The following CFAP20 variants were observed in gnomAD, a reference collection of about 807,000 sequenced individuals.
CFAP20 encodes cilia- and flagella-associated protein 20.
CFAP20 carries 14 observed loss-of-function variants against 25.5 expected under a neutral mutation model. That is an observed-to-expected ratio of 0.55 (90% confidence interval 0.36 to 0.86). The LOEUF (loss-of-function observed/expected upper bound fraction) is 0.86. Ranked by LOEUF, CFAP20 falls within the 40% of genes least tolerant of loss-of-function variation. The pLI, the probability that CFAP20 is intolerant of heterozygous loss-of-function variation, is 0.01. For missense variants in CFAP20, 181 were observed against 248.0 expected, an observed-to-expected ratio of 0.73 and a Z score of 1.81; for synonymous variants, 75 against 91.1, an observed-to-expected ratio of 0.82 and a Z score of 1.01.
intron 1 of CFAP20, among the ~76,000 whole-genome samples, chr16:58,124,793 C>T (rs931684137): frequency 6.6e-6 from 1 of 152,152 alleles, no homozygotes; most frequent in Non-Finnish European, 1.5e-5. Context: ...TACACTTATG[C>T]TACAATACAT....
intron 1 of CFAP20, among the ~76,000 whole-genome samples, chr16:58,124,444 T>C (rs1395338376): frequency 6.6e-6 from 1 of 152,260 alleles, no homozygotes; most frequent in African/African-American, 2.4e-5. Context: ...GGCAGTTCCA[T>C]GGCTGTGTGA....
At chr16:58,127,694 T>A (rs910967066) in intron 1 of CFAP20, among the ~76,000 whole-genome samples, 1 of 152,250 alleles carries the variant, frequency 6.6e-6, no homozygotes, top group Non-Finnish European at 1.5e-5. Flanking sequence ...GTGGATAGAA[T>A]CATCTGAAAG....
At position 58,129,292 on chromosome 16, in the gene CFAP20, A is replaced by C; in HGVS notation, c.-177T>G. On this transcript the variant is annotated 5_prime_UTR_variant, in exon 1 of 6. Coordinates refer to ENST00000262498, the MANE Select transcript of CFAP20 (RefSeq NM_013242.3). The stretch of plus-strand genomic sequence containing the variant: ...GGCCGGACTCGGACGCGGCAACGCT[A>C]AGTCCGCGATCTTCAGCTCCTAAGC... 1.6e-6 allele frequency: 1 copy of C among 625,624 alleles called. No individual in the cohort carries two copies. 38.8% of individuals were successfully genotyped at this position (625,624 alleles called of 1,614,324 possible).
chr16:58,128,978 A>G (rs1960666582), intron 1 of CFAP20, 54 bp downstream of exon 1: 2 of 1,491,900 alleles, frequency 1.3e-6, no homozygotes, highest in Admixed American at 3.4e-5. Flanking sequence ...CAGCCCCCGG[A>G]CGAGGAGGGG....
Position 58,113,865 on chromosome 16 carries a change from G to T in CFAP20, c.*160C>A. 1.2e-6 allele frequency: 1 copy of T among 802,362 alleles called. No homozygotes were observed. Among genetic ancestry groups the T allele is most frequent in the African/African-American group, 1.7e-5 (1 of 58,560 alleles). 49.7% of individuals were successfully genotyped at this position (802,362 alleles called of 1,614,324 possible). The stretch of plus-strand genomic sequence containing the variant: ...CTTACAATGCAGTCACAGAGTTACG[G>T]CATGTTCACCGGTGTCCATGACAAG... On this transcript the variant is annotated 3_prime_UTR_variant, in exon 6 of 6. Coordinates refer to ENST00000262498, the MANE Select transcript of CFAP20 (RefSeq NM_013242.3).
At chr16:58,125,951 G>A (rs1015792769) in intron 1 of CFAP20, among the ~76,000 whole-genome samples, 4 of 152,196 alleles carry the variant, frequency 2.6e-5, no homozygotes, top group Non-Finnish European at 4.4e-5. Context: ...AAGGTCTGTC[G>A]TTGACTGAAA....
At chr16:58,123,278 C>T (rs1960561555) in intron 1 of CFAP20, among the ~76,000 whole-genome samples, 1 of 145,026 alleles carries the variant, frequency 6.9e-6, no homozygotes, top group Non-Finnish European at 1.5e-5. Context: ...TGAGCCACTG[C>T]GCCCAGCCAG....
At chr16:58,122,923 C>T (rs1245356739) in intron 1 of CFAP20, among the ~76,000 whole-genome samples, 1 of 152,200 alleles carries the variant, frequency 6.6e-6, no homozygotes, top group African/African-American at 2.4e-5. Context: ...GAGAGAAAGA[C>T]AGGGTGACAG....
intron 1 of CFAP20, among the ~76,000 whole-genome samples, chr16:58,124,181 C>T (rs1380489127): frequency 6.6e-6 from 1 of 152,182 alleles, no homozygotes; most frequent in Non-Finnish European, 1.5e-5. Flanking sequence ...GGCCTTAGAG[C>T]CACATTAAGG....
At chr16:58,118,841 A>G (rs1037560265) in intron 1 of CFAP20, among the ~76,000 whole-genome samples, 3 of 152,130 alleles carry the variant, frequency 2.0e-5, no homozygotes, top group Non-Finnish European at 4.4e-5. Flanking sequence ...CAAACAAACA[A>G]AAAAACAAGG....
intron 1 of CFAP20, among the ~76,000 whole-genome samples, chr16:58,117,640 G>A (rs1960476525): frequency 6.6e-6 from 1 of 151,684 alleles, no homozygotes; most frequent in South Asian, 2.1e-4. Context: ...TCACCATGTT[G>A]GCCAGGCTGG....
intron 1 of CFAP20, among the ~76,000 whole-genome samples, chr16:58,124,730 G>C (rs915475524): frequency 1.3e-5 from 2 of 152,262 alleles, no homozygotes; most frequent in Non-Finnish European, 2.9e-5. Flanking sequence ...CAGTGAGTGA[G>C]TGGTGAGTGA....
At chr16:58,115,195 T>C (rs1159039659) in intron 4 of CFAP20, 74 bp downstream of exon 4, 1 of 1,577,992 alleles carries the variant, frequency 6.3e-7, no homozygotes. Flanking sequence ...TTCTGCTATG[T>C]GGGCCACAAG....
At chr16:58,115,508 A>G in intron 3 of CFAP20, 51 bp from the exon 4 acceptor site, 3 of 1,589,678 alleles carry the variant, frequency 1.9e-6, no homozygotes, top group Non-Finnish European at 2.6e-6. Flanking sequence ...TGGAAGAAGC[A>G]CACAACCTTG....
At chr16:58,115,198 G>T in intron 4 of CFAP20, 71 bp downstream of exon 4, 1 of 1,582,740 alleles carries the variant, frequency 6.3e-7, no homozygotes, top group Non-Finnish European at 8.7e-7. Flanking sequence ...TGCTATGTGG[G>T]CCACAAGCCA....
At position 58,114,916 on chromosome 16, in the gene CFAP20, T is replaced by C; in HGVS notation, c.470A>G (p.His157Arg). 2 of 1,612,144 alleles carry C rather than the reference T, an allele frequency of 1.2e-6. No individual in the cohort carries two copies. The highest frequency in any genetic ancestry group is 8.5e-7 in the Non-Finnish European group (1 of 1,178,210). Residue 157 changes from histidine (H) to arginine (R), a missense_variant, in exon 5 of 6, where the codon CAT becomes CGT. Transcript: ENST00000262498. The stretch of plus-strand genomic sequence containing the variant: ...AACCCGTCGGATGCGACAATTTGCA[T>C]GGATCTGTCAAGGCAATGCTTCTTT... ...NYIETLRVQI[H>R]ANCRIRRVYF...
At chr16:58,127,241 A>G (rs1402447592) in intron 1 of CFAP20, among the ~76,000 whole-genome samples, 2 of 152,230 alleles carry the variant, frequency 1.3e-5, no homozygotes, top group Non-Finnish European at 2.9e-5. Flanking sequence ...AACACAGCAC[A>G]CAAGATCAAG....
chr16:58,120,259 A>G (rs1387282375), intron 1 of CFAP20, among the ~76,000 whole-genome samples: 1 of 152,270 alleles, frequency 6.6e-6, no homozygotes, highest in Non-Finnish European at 1.5e-5. Context: ...ACAAACTGCA[A>G]AGAGCAAATA....
In CFAP20 at chr16:58,116,141, A is replaced by T. The variant is rs1364693825; in HGVS notation, c.176T>A (p.Ile59Asn). The T allele has an allele frequency of 1.2e-6, 2 of 1,609,584 alleles. No homozygotes were observed. Among genetic ancestry groups the T allele is most frequent in the Non-Finnish European group, 1.7e-6 (2 of 1,175,992 alleles). The part of the protein sequence containing the change: ...IEGTNVSTTY[I>N]TCPADPKKTL... Reference sequence around the variant, plus strand: ...CTTCTTGGGGTCTGCAGGGCATGTGATATATGTGGTGCTGTAGAGAGAGGA... The same window carrying T: ...CTTCTTGGGGTCTGCAGGGCATGTGTTATATGTGGTGCTGTAGAGAGAGGA... The change falls in exon 3 of 6, where the codon ATC (isoleucine) becomes AAC (asparagine). Residue 59 changes from isoleucine to asparagine, a missense_variant. Ile to Asn is a moderately radical substitution (Grantham distance 149). Coordinates refer to ENST00000262498, the MANE Select transcript of CFAP20 (RefSeq NM_013242.3).
Sources: allele counts gnomAD v4.1 joint callset (sites outside exome capture counted in the v4.1 genomes callset), GRCh38; gene constraint gnomAD v4.1.1; transcripts MANE v1.5; gene names NCBI Gene and HGNC (gene_info 2026-07-23, HGNC 2026-07-21).